TARS3: variants seen among roughly 807,000 people sequenced by gnomAD.
TARS3 encodes threonine--tRNA ligase 2, cytoplasmic.
TARS3 carries 94 observed loss-of-function variants against 103.5 expected under a neutral mutation model. The observed-to-expected ratio is 0.91, with a 90% CI of 0.77 to 1.08. The LOEUF is 1.08. TARS3 is among the 50% of genes least tolerant of loss of function. The probability of loss-of-function intolerance (pLI) is 0.00; values close to 1 mark genes in which losing one functional copy is unlikely to be tolerated. For synonymous variants in TARS3, 416 were observed against 355.4 expected (o/e 1.17, Z -1.92); for missense variants, 952 against 995.2 (o/e 0.96, Z 0.58).
intron 3 of TARS3, among the ~76,000 whole-genome samples, chr15:101,720,669 T>G (rs1900404152): frequency 6.6e-6 from 1 of 152,196 alleles, no homozygotes; most frequent in Non-Finnish European, 1.5e-5. Context: ...AAAAATTAGC[T>G]GATATGGTTT....
chr15:101,672,480 A>G (rs146035010), intron 13 of TARS3, among the ~76,000 whole-genome samples: 2 of 152,164 alleles, frequency 1.3e-5, no homozygotes, highest in Admixed American at 6.5e-5. Context: ...CCAAACTCCC[A>G]TCATCACCTC....
At chr15:101,700,053 A>G (rs1899182910) in intron 10 of TARS3, among the ~76,000 whole-genome samples, 1 of 152,196 alleles carries the variant, frequency 6.6e-6, no homozygotes, top group African/African-American at 2.4e-5. Flanking sequence ...ATTACTGAGC[A>G]ATTACCTGAA....
intron 8 of TARS3, among the ~76,000 whole-genome samples, chr15:101,702,963 C>T (rs969823898): frequency 1.3e-5 from 2 of 152,142 alleles, no homozygotes; most frequent in Non-Finnish European, 2.9e-5. Flanking sequence ...GAAGGCTAAG[C>T]AGCAATCATA....
chr15:101,654,273 T>C lies in TARS3; in HGVS notation c.*309A>G, dbSNP rs956411088. 4.1e-6 allele frequency: 1 copy of C among 243,174 alleles called. No individual in the cohort carries two copies. The highest frequency in any genetic ancestry group is 7.7e-6 in the Non-Finnish European group (1 of 129,554). 15.1% of individuals were successfully genotyped at this position (243,174 alleles called of 1,614,324 possible). A position where few individuals can be genotyped will look rare whatever the true frequency, so the allele number is the denominator to read the frequency against. Reference sequence around the variant, plus strand: ...TTATTTGAAGCCCATCTTTTGAAAATCACTAACATTTCATAATCATTTCCT... The same window carrying C: ...TTATTTGAAGCCCATCTTTTGAAAACCACTAACATTTCATAATCATTTCCT... On this transcript the variant is annotated 3_prime_UTR_variant, in exon 19 of 19. Transcript: ENST00000335968.
At position 101,723,082 on chromosome 15, in the gene TARS3, C is replaced by CA. The variant is rs777893478; in HGVS notation, c.369+10dup. 1.2e-6 allele frequency: 2 copies of CA among 1,612,688 alleles called. No individual in the cohort carries two copies. Among genetic ancestry groups the CA allele is most frequent in the African/African-American group, 2.7e-5 (2 of 74,902 alleles). Reference sequence around the variant, plus strand: ...GTAGTATTTTATATTGTTTCCACAGCAACAACTTACCTCGCTGTCAGCCTC... The same window carrying CA: ...GTAGTATTTTATATTGTTTCCACAGCAAACAACTTACCTCGCTGTCAGCCTC... On this transcript the variant is annotated intron_variant, in intron 2 of 18. Coordinates refer to ENST00000335968, the MANE Select transcript of TARS3 (RefSeq NM_152334.3).
intron 8 of TARS3, among the ~76,000 whole-genome samples, chr15:101,702,633 G>A (rs962421499): frequency 2.0e-5 from 3 of 152,156 alleles, no homozygotes; most frequent in African/African-American, 2.4e-5. Context: ...AGCCAGGCAC[G>A]ATGGCACATG....
intron 15 of TARS3, among the ~76,000 whole-genome samples, chr15:101,668,704 T>TAC (rs1897677668): frequency 6.6e-6 from 1 of 152,134 alleles, no homozygotes; most frequent in South Asian, 2.1e-4. Context: ...TATATATATA[T>TAC]ACCGTCATGC....
intron 15 of TARS3, among the ~76,000 whole-genome samples, chr15:101,666,423 C>T (rs1897582441): frequency 1.4e-5 from 2 of 146,236 alleles, no homozygotes. Context: ...TTTCAGTGAG[C>T]CAAGATTGTC....
At chr15:101,680,582 G>C (rs1233354282) in intron 12 of TARS3, among the ~76,000 whole-genome samples, 2 of 152,152 alleles carry the variant, frequency 1.3e-5, no homozygotes, top group African/African-American at 2.4e-5. Context: ...TTCTTAGAGG[G>C]AAGGAAAGGG....
intron 3 of TARS3, among the ~76,000 whole-genome samples, chr15:101,715,247 C>T (rs894171860): frequency 1.6e-4 from 24 of 149,886 alleles, no homozygotes; most frequent in Admixed American, 1.1e-3. Context: ...CCCGGGTTCA[C>T]GCCATTCTCC....
intron 15 of TARS3, among the ~76,000 whole-genome samples, chr15:101,670,258 C>G (rs1226081335): frequency 1.3e-5 from 2 of 152,010 alleles, no homozygotes; most frequent in African/African-American, 4.8e-5. Context: ...AAAATATGTG[C>G]AAATCATATA....
chr15:101,705,860 G>A, intron 6 of TARS3, 113 bp from the exon 7 acceptor site: 1 of 876,734 alleles, frequency 1.1e-6, no homozygotes, highest in African/African-American at 1.7e-5. Context: ...TCTAGGTGCT[G>A]AGACACGAGG....
intron 13 of TARS3, among the ~76,000 whole-genome samples, chr15:101,673,849 A>G (rs919938438): frequency 1.3e-5 from 2 of 152,146 alleles, no homozygotes; most frequent in African/African-American, 2.4e-5. Context: ...CGGCTTCTGC[A>G]CCTATTAATC....
At chr15:101,687,235 T>C (rs556945506) in intron 10 of TARS3, among the ~76,000 whole-genome samples, 3 of 152,052 alleles carry the variant, frequency 2.0e-5, no homozygotes, top group African/African-American at 7.2e-5. Flanking sequence ...AAACCCCATC[T>C]CCACTAAAAA....
rs752239756 is a variant in TARS3, at chr15:101,671,686, T to C, written c.1851A>G (p.Ala617=). 3.1e-6 allele frequency: 5 copies of C among 1,614,042 alleles called. No individual in the cohort carries two copies. In the African/African-American group the frequency reaches 5.3e-5, roughly 17 times the overall value. ...GTCGACTCACTTTAGGGCCATAAAA[T>C]GCTCCATCTCCTGGGTTCATTTTCC... ...EPWKMNPGDG[A]FYGPKIDIKI... Residue 617 remains alanine, a synonymous_variant, in exon 14 of 19, where the codon GCA becomes GCG. Coordinates refer to ENST00000335968, the MANE Select transcript of TARS3 (RefSeq NM_152334.3).
chr15:101,687,266 G>A (rs1168017310), intron 10 of TARS3, among the ~76,000 whole-genome samples: 1 of 152,056 alleles, frequency 6.6e-6, no homozygotes, highest in Non-Finnish European at 1.5e-5. Context: ...AGCCAGGCGT[G>A]GTGGCACACA....
rs1446310296 is a variant in TARS3 at position 101,654,611 on chromosome 15, G to C, written c.2380C>G (p.Arg794Gly). 2.5e-6 allele frequency: 4 copies of C among 1,614,052 alleles called. No homozygotes were observed. The highest frequency in any genetic ancestry group is 2.2e-5 in the East Asian group (1 of 44,882). The change falls in exon 19 of 19, where the codon CGG (arginine) becomes GGG (glycine). Residue 794 changes from arginine to glycine, a missense_variant. Arg to Gly is a moderately radical substitution (Grantham distance 125). This residue lies in a region of TARS3 where 540 missense variants were observed against 631.0 expected (regional missense o/e 0.86). Coordinates refer to ENST00000335968, the MANE Select transcript of TARS3 (RefSeq NM_152334.3). Reference sequence around the variant, plus strand: ...AAGGCCTCCTCAGCATTGAGTGTCCGTGTCTTCCTGAGATTCTTCAGTTTA... The same window carrying C: ...AAGGCCTCCTCAGCATTGAGTGTCCCTGTCTTCCTGAGATTCTTCAGTTTA... ...IDKLKNLRKT[R>G]TLNAEEAF
Position 101,656,960 on chromosome 15 carries a change from A to AT in TARS3, c.2221dup (p.Ile741AsnfsTer10), listed in dbSNP as rs1383482292. 6.2e-7 allele frequency: 1 copy of AT among 1,613,338 alleles called. No individual in the cohort carries two copies. The highest frequency in any genetic ancestry group is 1.1e-5 in the South Asian group (1 of 90,930). ...ATACTGAGCCAGCTGTGCATTTCGT[A>AT]TTTTCTTATTTAGTGTACAACTGTG... On this transcript the variant is annotated frameshift_variant, in exon 18 of 19. Transcript: ENST00000335968. LOFTEE classifies it high-confidence loss of function.
intron 9 of TARS3, among the ~76,000 whole-genome samples, chr15:101,701,797 A>C (rs1229298685): frequency 6.6e-6 from 1 of 151,668 alleles, no homozygotes; most frequent in Non-Finnish European, 1.5e-5. Context: ...TTTTTTTGAG[A>C]CTGAGTCTCA....
Sources: allele counts gnomAD v4.1 joint callset (sites outside exome capture counted in the v4.1 genomes callset), GRCh38; gene constraint gnomAD v4.1.1; regional missense constraint gnomAD v4.1.1; transcripts MANE v1.5; gene names NCBI Gene and HGNC (gene_info 2026-07-23, HGNC 2026-07-21).